The following ADGRB3 variants were observed in gnomAD, a reference collection of about 807,000 sequenced individuals.
ADGRB3 encodes the protein adhesion G protein-coupled receptor B3, also known as brain-specific angiogenesis inhibitor 3.
Under a neutral mutation model 193.4 loss-of-function variants are expected in ADGRB3, and 37 were observed. The ratio of observed to expected loss-of-function variants is 0.19; its 90% CI spans 0.15 to 0.25. ADGRB3 has a LOEUF of 0.25. Among genes scored for constraint, ADGRB3 ranks in the 10% least tolerant of loss-of-function variants. The probability of loss-of-function intolerance (pLI) is 1.00; values close to 1 mark genes in which losing one functional copy is unlikely to be tolerated. For synonymous variants in ADGRB3, 690 were observed against 644.2 expected (o/e 1.07, Z -1.08); for missense variants, 1,637 against 1,852.9 (o/e 0.88, Z 2.14).
chr6:68,837,880 T>A (rs1320293715), intron 3 of ADGRB3, among the ~76,000 whole-genome samples: 1 of 152,148 alleles, frequency 6.6e-6, no homozygotes, highest in Non-Finnish European at 1.5e-5. Flanking sequence ...TTAAAATATA[T>A]TTATAGTAGG....
At chr6:69,052,990 A>C (rs1361434733) in intron 15 of ADGRB3, among the ~76,000 whole-genome samples, 1 of 152,176 alleles carries the variant, frequency 6.6e-6, no homozygotes, top group Non-Finnish European at 1.5e-5. Context: ...ATTCAAGACC[A>C]GCCTGGCCAA....
At chr6:69,141,137 C>CG (rs1448665787) in intron 17 of ADGRB3, among the ~76,000 whole-genome samples, 5 of 133,460 alleles carry the variant, frequency 3.7e-5, no homozygotes, top group East Asian at 2.2e-4. Flanking sequence ...TTGGGGGGGG[C>CG]GGTGGGGACG....
chr6:68,694,058 T>A (rs1310292347), intron 3 of ADGRB3, among the ~76,000 whole-genome samples: 1 of 152,038 alleles, frequency 6.6e-6, no homozygotes, highest in Non-Finnish European at 1.5e-5. Flanking sequence ...TATTTTTCAT[T>A]CTGAACTTAT....
At chr6:68,787,000 A>G (rs1472166253) in intron 3 of ADGRB3, among the ~76,000 whole-genome samples, 1 of 152,134 alleles carries the variant, frequency 6.6e-6, no homozygotes, top group African/African-American at 2.4e-5. Context: ...TTGCACATTG[A>G]TTTTGTATCC....
intron 20 of ADGRB3, among the ~76,000 whole-genome samples, chr6:69,254,174 C>T (rs1232785453): frequency 6.6e-6 from 1 of 152,126 alleles, no homozygotes; most frequent in African/African-American, 2.4e-5. Context: ...TGTCTAGAAA[C>T]CATTTATGTT....
intron 13 of ADGRB3, among the ~76,000 whole-genome samples, chr6:69,033,779 T>C (rs751554696): frequency 6.6e-6 from 1 of 152,014 alleles, no homozygotes; most frequent in Non-Finnish European, 1.5e-5. Context: ...AAAAGTTAGG[T>C]GGCTTTTTTC....
chr6:69,124,108 T>C (rs1024491665), intron 17 of ADGRB3, among the ~76,000 whole-genome samples: 1 of 151,596 alleles, frequency 6.6e-6, no homozygotes, highest in Non-Finnish European at 1.5e-5. Flanking sequence ...TTTTTGTAGG[T>C]GACATTTTTA....
At chr6:68,980,137 A>G (rs1415032) in intron 10 of ADGRB3, among the ~76,000 whole-genome samples, 16,127 of 151,528 alleles carry the variant, frequency 0.11, 2,008 homozygotes, top group East Asian at 0.57. Context: ...TTAGGTATAA[A>G]TATCCCCTTT....
At chr6:69,143,426 C>T (rs138563334) in intron 17 of ADGRB3, among the ~76,000 whole-genome samples, 2 of 152,184 alleles carry the variant, frequency 1.3e-5, no homozygotes, top group African/African-American at 2.4e-5. Context: ...GCTGCTTGTT[C>T]TTGTAGAGTA....
At chr6:69,374,474 C>T (rs1177608560) in intron 30 of ADGRB3, among the ~76,000 whole-genome samples, 1 of 152,032 alleles carries the variant, frequency 6.6e-6, no homozygotes, top group Admixed American at 6.6e-5. Context: ...TGACAGACTG[C>T]TTCTTGGACT....
intron 8 of ADGRB3, among the ~76,000 whole-genome samples, chr6:68,974,286 G>A (rs1768676881): frequency 6.6e-6 from 1 of 152,092 alleles, no homozygotes; most frequent in Non-Finnish European, 1.5e-5. Context: ...TAAATACTTT[G>A]TAGATACTAA....
chr6:69,317,683 T>C (rs933272943), intron 20 of ADGRB3, among the ~76,000 whole-genome samples: 2 of 151,484 alleles, frequency 1.3e-5, no homozygotes, highest in Non-Finnish European at 3.0e-5. Flanking sequence ...TAACTTTCTC[T>C]ACCACTCTTT....
At chr6:68,849,780 T>C (rs1463975320) in intron 3 of ADGRB3, among the ~76,000 whole-genome samples, 1 of 151,920 alleles carries the variant, frequency 6.6e-6, no homozygotes, top group African/African-American at 2.4e-5. Flanking sequence ...GATAGCTGGA[T>C]GGAAATAATT....
intron 8 of ADGRB3, among the ~76,000 whole-genome samples, chr6:68,959,515 T>C (rs1439383678): frequency 6.6e-6 from 1 of 152,146 alleles, no homozygotes; most frequent in Non-Finnish European, 1.5e-5. Context: ...AGAGGCCTTT[T>C]GTTGTCAGGA....
intron 17 of ADGRB3, among the ~76,000 whole-genome samples, chr6:69,131,899 A>G (rs1201152950): frequency 1.3e-5 from 2 of 149,946 alleles, no homozygotes; most frequent in African/African-American, 4.9e-5. Flanking sequence ...TTTCTGTGTT[A>G]GTTTGCTGAG....
chr6:69,313,268 C>G (rs1380082430), intron 20 of ADGRB3, among the ~76,000 whole-genome samples: 1 of 151,808 alleles, frequency 6.6e-6, no homozygotes, highest in East Asian at 1.9e-4. Context: ...CCAGGTGATA[C>G]CAATGTGCAG....
In ADGRB3 at chr6:69,361,827, A is replaced by AAAATTAAT. The variant is rs1769461302; in HGVS notation, c.4239+319_4239+320insTAATAAAT. ...CTAAGGCACTCATAAAAAATAAAAT[A>AAAATTAAT]AAATAAATAAATAAATAAATAACAG... On this transcript the variant is annotated intron_variant, in intron 29 of 31. Transcript: ENST00000370598. Among the ~76,000 whole-genome samples the AAAATTAAT allele has an allele frequency of 2.0e-5, 3 of 151,746 alleles. No homozygotes were observed. The South Asian group carries it at 6.3e-4, about 32-fold the overall frequency.
chr6:69,262,226 G>C (rs1766945607), intron 20 of ADGRB3, among the ~76,000 whole-genome samples: 1 of 151,886 alleles, frequency 6.6e-6, no homozygotes, highest in Admixed American at 6.6e-5. Flanking sequence ...AAAGGAAAAA[G>C]CATAATTTTA....
chr6:69,078,997 G>A (rs1199804415), intron 17 of ADGRB3, among the ~76,000 whole-genome samples: 1 of 151,900 alleles, frequency 6.6e-6, no homozygotes, highest in East Asian at 1.9e-4. Flanking sequence ...ATCTCTATTT[G>A]ATTTTATCAG....
Sources: allele counts gnomAD v4.1 joint callset (sites outside exome capture counted in the v4.1 genomes callset), GRCh38; gene constraint gnomAD v4.1.1; transcripts MANE v1.5; gene names NCBI Gene and HGNC (gene_info 2026-07-23, HGNC 2026-07-21).